The following DNMBP variants were observed in gnomAD, a reference collection of about 807,000 sequenced individuals.
DNMBP encodes dynamin-binding protein.
A neutral mutation model predicts 150.0 loss-of-function variants in DNMBP; 87 were observed. That is an observed-to-expected ratio of 0.58 (90% CI 0.49 to 0.69). The LOEUF (loss-of-function observed/expected upper bound fraction) is 0.69, where lower values mean the gene tolerates loss of function less well. Ranked by LOEUF, DNMBP falls within the 30% of genes least tolerant of loss-of-function variation. The pLI, the probability that DNMBP is intolerant of heterozygous loss-of-function variation, is 0.00. For missense variants in DNMBP, 1,774 were observed against 1,949.0 expected, an observed-to-expected ratio of 0.91 and a Z score of 1.69; for synonymous variants, 711 against 750.4, an observed-to-expected ratio of 0.95 and a Z score of 0.86.
At chr10:99,883,954 G>A in intron 15 of DNMBP, 57 bp downstream of exon 15, 2 of 1,543,546 alleles carry the variant, frequency 1.3e-6, no homozygotes, top group Non-Finnish European at 1.8e-6. Context: ...TTCGGGTGCA[G>A]CCAAAACTAC....
At chr10:99,926,919 C>T (rs935336733) in intron 4 of DNMBP, 9 of 152,148 alleles carry the variant, frequency 5.9e-5, no homozygotes, top group Admixed American at 1.3e-4. Context: ...TTGAAACCTC[C>T]GAAGGGCCAC....
intron 12 of DNMBP, among the ~76,000 whole-genome samples, chr10:99,887,111 C>T (rs1293821917): frequency 2.7e-5 from 4 of 147,544 alleles, no homozygotes; most frequent in South Asian, 2.1e-4. Flanking sequence ...TTTTTTGAGA[C>T]GGAGTCTTGC....
chr10:100,003,656 C>A (rs1361333314), intron 1 of DNMBP, among the ~76,000 whole-genome samples: 1 of 151,848 alleles, frequency 6.6e-6, no homozygotes, highest in Non-Finnish European at 1.5e-5. Context: ...CTGGCCAGGG[C>A]CCAGCCAGGG....
At chr10:99,993,770 T>C (rs1048722557) in intron 1 of DNMBP, among the ~76,000 whole-genome samples, 7 of 152,070 alleles carry the variant, frequency 4.6e-5, no homozygotes, top group African/African-American at 1.7e-4. Flanking sequence ...GCCACTGCAT[T>C]CCAGCCTGGG....
chr10:99,955,893 C>A lies in DNMBP; in HGVS notation c.1581G>T (p.Pro527=). The A allele has an allele frequency of 6.2e-7, 1 of 1,614,164 alleles. No homozygotes were observed. The highest frequency in any genetic ancestry group is 8.5e-7 in the Non-Finnish European group (1 of 1,180,026). The part of the protein sequence containing the change: ...ISERLEMKPG[P]QAQGLVMEAA... ...CTTCCATAACAAGCCCTTGGGCTTG[C>A]GGACCAGGCTTCATCTCCAATCTCT... is the stretch of plus-strand genomic sequence containing the variant. The change falls in exon 4 of 17, where the codon CCG becomes CCT. Residue 527 remains proline, a synonymous_variant. Coordinates refer to ENST00000324109, the MANE Select transcript of DNMBP (RefSeq NM_015221.4).
At chr10:99,883,833 T>A (rs2039408520) in intron 15 of DNMBP, among the ~76,000 whole-genome samples, 178 bp downstream of exon 15, 1 of 152,080 alleles carries the variant, frequency 6.6e-6, no homozygotes, top group East Asian at 1.9e-4. Flanking sequence ...AAAAAGAGGT[T>A]TTGTTTCAGT....
chr10:99,911,633 A>C (rs943438237), intron 4 of DNMBP, among the ~76,000 whole-genome samples: 22 of 152,232 alleles, frequency 1.4e-4, no homozygotes, highest in African/African-American at 5.1e-4. Context: ...CAAAATGTTA[A>C]ATATGGGTGA....
chr10:99,918,184 A>G (rs1345822846), intron 4 of DNMBP, among the ~76,000 whole-genome samples: 1 of 151,900 alleles, frequency 6.6e-6, no homozygotes, highest in Non-Finnish European at 1.5e-5. Flanking sequence ...GTGTTACCAC[A>G]ACACTCTGGC....
At chr10:99,919,102 C>T (rs1278673757) in intron 4 of DNMBP, among the ~76,000 whole-genome samples, 1 of 152,176 alleles carries the variant, frequency 6.6e-6, no homozygotes, top group South Asian at 2.1e-4. Context: ...GGTAATAGTG[C>T]TCACGTTTTA....
At chr10:99,901,862 C>T (rs1031637792) in intron 6 of DNMBP, among the ~76,000 whole-genome samples, 1 of 152,146 alleles carries the variant, frequency 6.6e-6, no homozygotes, top group Non-Finnish European at 1.5e-5. Context: ...TCTGTTCTCT[C>T]ACTGTTGTGT....
intron 1 of DNMBP, among the ~76,000 whole-genome samples, chr10:99,973,084 T>C (rs1589445500): frequency 2.2e-5 from 1 of 46,228 alleles, no homozygotes; most frequent in African/African-American, 1.5e-4. Context: ...CTGCGGCATT[T>C]ATTTATTTAT....
chr10:99,893,554 T>A (rs572001081), intron 11 of DNMBP, among the ~76,000 whole-genome samples: 8 of 152,188 alleles, frequency 5.3e-5, no homozygotes, highest in African/African-American at 1.4e-4. Context: ...GCCAACATGA[T>A]GACACCCCGT....
chr10:99,915,108 A>AAATATATATATATATATAT (rs10654940), intron 4 of DNMBP, among the ~76,000 whole-genome samples: 20 of 99,796 alleles, frequency 2.0e-4, no homozygotes, highest in African/African-American at 8.4e-4. Context: ...AAAAAAAAAA[A>AAATATATATATATATATAT]ATATATATAT....
In DNMBP at chr10:99,955,750, C is replaced by G; in HGVS notation, c.1724G>C (p.Arg575Pro). The part of the protein sequence containing the change: ...GPGTEPDKIL[R>P]HFSIMDFNSE... ...GTTAAAGTCCATGATTGAAAAGTGGCGTAAAATTTTATCTGGCTCTGTGCC... is the reference window on the plus strand; with the variant it reads ...GTTAAAGTCCATGATTGAAAAGTGGGGTAAAATTTTATCTGGCTCTGTGCC... Residue 575 changes from arginine to proline, a missense_variant, in exon 4 of 17, where the codon CGC becomes CCC. Arg to Pro is a moderately radical substitution (Grantham distance 103). This residue lies in a region of DNMBP where 1,430 missense variants were observed against 1,492.5 expected (regional missense o/e 0.96). Transcript: ENST00000324109. 1 of 1,614,214 alleles carries G rather than the reference C, an allele frequency of 6.2e-7. No homozygotes were observed. The highest frequency in any genetic ancestry group is 8.5e-7 in the Non-Finnish European group (1 of 1,180,048).
chr10:99,992,516 G>C (rs1458293950), intron 1 of DNMBP, among the ~76,000 whole-genome samples: 1 of 150,058 alleles, frequency 6.7e-6, no homozygotes, highest in Non-Finnish European at 1.5e-5. Flanking sequence ...TAGATTGCCT[G>C]AATCTAGGAG....
intron 16 of DNMBP, among the ~76,000 whole-genome samples, chr10:99,878,034 G>A (rs2039303781): frequency 6.6e-6 from 1 of 152,156 alleles, no homozygotes; most frequent in African/African-American, 2.4e-5. Context: ...CAGGAGAATT[G>A]CCTGAACCCA....
At chr10:100,003,490 A>G (rs942657569) in intron 1 of DNMBP, among the ~76,000 whole-genome samples, 1 of 152,238 alleles carries the variant, frequency 6.6e-6, no homozygotes, top group Non-Finnish European at 1.5e-5. Context: ...TTAGCTTTAA[A>G]TTATTTCCAA....
rs2039347445 is a variant in DNMBP, at chr10:99,880,327, C to T, written c.4032G>A (p.Lys1344=). Residue 1344 remains lysine (K), a synonymous_variant, in exon 16 of 17, where the codon AAG becomes AAA. Coordinates refer to ENST00000324109, the MANE Select transcript of DNMBP (RefSeq NM_015221.4). ...TKGFVYSSFL[K]PYNPRRSHSD... ...AGTGGCTGCGGCGAGGATTGTAGGG[C>T]TTTAGGAAAGAGCTGTACACGAAGC... 15 of 1,607,382 alleles carry T rather than the reference C, an allele frequency of 9.3e-6. No homozygotes were observed. Among genetic ancestry groups the T allele is most frequent in the Non-Finnish European group, 1.3e-5 (15 of 1,177,484 alleles).
At chr10:99,930,754 T>C (rs2133285907) in intron 4 of DNMBP, 2 of 669,022 alleles carry the variant, frequency 3.0e-6, no homozygotes, top group East Asian at 2.7e-5. Flanking sequence ...GCCTTCTGGG[T>C]TTCACACATA....
Sources: gnomAD v4.1 joint callset for allele counts (sites outside exome capture counted in the v4.1 genomes callset) on GRCh38, gnomAD v4.1.1 for gene constraint, gnomAD v4.1.1 regional missense constraint, MANE v1.5 for transcripts, NCBI Gene and HGNC (gene_info 2026-07-23, HGNC 2026-07-21) for gene names.